EIF4G3: variants seen among roughly 807,000 people sequenced by gnomAD.
EIF4G3 encodes the protein eukaryotic translation initiation factor 4 gamma 3, also known as eIF-4-gamma 3.
EIF4G3 carries 34 observed loss-of-function variants against 186.4 expected under a neutral mutation model. The observed-to-expected ratio is 0.18, with a 90% CI of 0.14 to 0.24. The LOEUF (loss-of-function observed/expected upper bound fraction) is 0.24. Ranked by LOEUF, EIF4G3 falls within the 10% of genes least tolerant of loss-of-function variation. The probability of loss-of-function intolerance (pLI) is 1.00; values close to 1 mark genes in which losing one functional copy is unlikely to be tolerated. For missense variants in EIF4G3, 1,536 were observed against 1,948.5 expected (o/e 0.79, Z 3.99); for synonymous variants, 673 against 679.5 (o/e 0.99, Z 0.15).
At chr1:20,901,498 CT>C (rs1044440920) in intron 15 of EIF4G3, among the ~76,000 whole-genome samples, 2 of 151,884 alleles carry the variant, frequency 1.3e-5, no homozygotes, top group East Asian at 1.9e-4. Context: ...AAATGTGAAA[CT>C]TTTTTTTAGA....
chr1:20,985,954 A>G (rs180821434), intron 7 of EIF4G3, among the ~76,000 whole-genome samples: 1 of 152,130 alleles, frequency 6.6e-6, no homozygotes, highest in Non-Finnish European at 1.5e-5. Context: ...TCTCGTGTCC[A>G]TCCCTAAAAC....
intron 15 of EIF4G3, among the ~76,000 whole-genome samples, chr1:20,900,877 C>G (rs370081534): frequency 1.3e-5 from 2 of 152,056 alleles, no homozygotes; most frequent in Non-Finnish European, 2.9e-5. Flanking sequence ...AAGTTCACCC[C>G]AAATAATCTA....
chr1:21,083,487 C>CT (rs11368580), intron 3 of EIF4G3, among the ~76,000 whole-genome samples: 60,532 of 144,330 alleles, frequency 0.42, 12,784 homozygotes, highest in Non-Finnish European at 0.46. Flanking sequence ...CACACACACA[C>CT]TTTTTTTTTT....
intron 3 of EIF4G3, among the ~76,000 whole-genome samples, chr1:21,080,920 T>C (rs1482457051): frequency 1.3e-5 from 2 of 152,228 alleles, no homozygotes; most frequent in African/African-American, 2.4e-5. Context: ...TCTGCAATTA[T>C]ATTAAAAATA....
At chr1:20,937,016 G>A (rs1325597718) in intron 14 of EIF4G3, among the ~76,000 whole-genome samples, 2 of 152,190 alleles carry the variant, frequency 1.3e-5, no homozygotes, top group Non-Finnish European at 2.9e-5. Flanking sequence ...ATTCCTGGGG[G>A]TGTAGAAGGG....
At chr1:20,819,795 C>T (rs1187260105) in intron 33 of EIF4G3, among the ~76,000 whole-genome samples, 1 of 151,920 alleles carries the variant, frequency 6.6e-6, no homozygotes, top group Non-Finnish European at 1.5e-5. Flanking sequence ...CACAAGTTTA[C>T]CTATAGAACA....
chr1:21,093,610 C>G (rs933912194), intron 2 of EIF4G3, among the ~76,000 whole-genome samples: 1 of 152,100 alleles, frequency 6.6e-6, no homozygotes, highest in Non-Finnish European at 1.5e-5. Flanking sequence ...GGTATATACC[C>G]AAAGGATTAT....
rs1245852092 is a variant in EIF4G3 at position 20,810,568 on chromosome 1, G to A, written c.4744+170C>T. On this transcript the variant is annotated intron_variant, in intron 36 of 36. Coordinates refer to ENST00000602326, the MANE Select transcript of EIF4G3 (RefSeq NM_001391906.1). The surrounding 1 kb of genome is among the most constrained non-coding windows in gnomAD (Gnocchi z 4.1). ...CTCCCAAAGTGCTGGGATTATAGGC[G>A]CAAGCCACTGCACCCGGCCAAATTC... Among the ~76,000 whole-genome samples, 4 of 152,204 alleles carry A rather than the reference G, an allele frequency of 2.6e-5. No individual in the cohort carries two copies. Among genetic ancestry groups the A allele is most frequent in the Admixed American group, 6.5e-5 (1 of 15,290 alleles).
At chr1:20,824,920 A>C (rs1289347996) in intron 33 of EIF4G3, among the ~76,000 whole-genome samples, 180 bp downstream of exon 33, 1 of 152,070 alleles carries the variant, frequency 6.6e-6, no homozygotes, top group Non-Finnish European at 1.5e-5. Flanking sequence ...TTTAAATATC[A>C]ATCATCTGAT....
At chr1:21,071,839 A>C (rs1371376727) in intron 3 of EIF4G3, among the ~76,000 whole-genome samples, 1 of 152,014 alleles carries the variant, frequency 6.6e-6, no homozygotes, top group African/African-American at 2.4e-5. Context: ...AAAAAAAAAG[A>C]AGAAGAAAAG....
chr1:21,008,947 AT>A (rs1161583891), intron 4 of EIF4G3, among the ~76,000 whole-genome samples: 4 of 152,336 alleles, frequency 2.6e-5, no homozygotes, highest in Non-Finnish European at 5.9e-5. Flanking sequence ...TTCCAGATTG[AT>A]TACAATGTTG....
intron 3 of EIF4G3, among the ~76,000 whole-genome samples, chr1:21,085,361 A>C (rs2095930746): frequency 6.6e-6 from 1 of 152,144 alleles, no homozygotes; most frequent in Non-Finnish European, 1.5e-5. Flanking sequence ...TAAAAAACTA[A>C]GACCTAGAGA....
intron 2 of EIF4G3, among the ~76,000 whole-genome samples, chr1:21,092,323 G>A (rs180829067): frequency 6.6e-6 from 1 of 152,228 alleles, no homozygotes; most frequent in African/African-American, 2.4e-5. Context: ...ATCCAGCCTT[G>A]CATCCCAGTG....
At chr1:20,837,948 A>G (rs2067245448) in intron 30 of EIF4G3, among the ~76,000 whole-genome samples, 1 of 152,214 alleles carries the variant, frequency 6.6e-6, no homozygotes, top group Admixed American at 6.5e-5. Context: ...AGGTCTAAGC[A>G]TCGAAGGTTA....
intron 31 of EIF4G3, among the ~76,000 whole-genome samples, chr1:20,828,459 C>T (rs2064231255): frequency 1.3e-5 from 2 of 152,186 alleles, no homozygotes; most frequent in South Asian, 4.1e-4. Context: ...GATATCTATA[C>T]TCTAAGTGAG....
intron 2 of EIF4G3, among the ~76,000 whole-genome samples, chr1:21,167,466 C>G (rs1425997215): frequency 6.6e-6 from 1 of 152,002 alleles, no homozygotes. Context: ...ATGAAGAGTT[C>G]GAGACCAGCC....
At chr1:20,916,446 CAAAAAA>C (rs1236617759) in intron 14 of EIF4G3, among the ~76,000 whole-genome samples, 1 of 132,160 alleles carries the variant, frequency 7.6e-6, no homozygotes, top group Non-Finnish European at 1.6e-5. Context: ...GACTCTGTCT[CAAAAAA>C]AAAAACAAAA....
chr1:21,072,504 C>T (rs531698791), intron 3 of EIF4G3, among the ~76,000 whole-genome samples: 3 of 152,176 alleles, frequency 2.0e-5, no homozygotes, highest in Non-Finnish European at 2.9e-5. Flanking sequence ...CCCAGGTTCA[C>T]GCCATTCTCC....
intron 34 of EIF4G3, among the ~76,000 whole-genome samples, chr1:20,813,883 C>T (rs907838075): frequency 6.7e-6 from 1 of 149,606 alleles, no homozygotes; most frequent in Non-Finnish European, 1.5e-5. Context: ...GATACCCTTG[C>T]GTATCAGATA....
Sources: allele counts gnomAD v4.1 joint callset (sites outside exome capture counted in the v4.1 genomes callset), GRCh38; gene constraint gnomAD v4.1.1; non-coding constraint Gnocchi (gnomAD v3.1); transcripts MANE v1.5; gene names NCBI Gene and HGNC (gene_info 2026-07-23, HGNC 2026-07-21).